The following FBXO25 variants were observed in gnomAD, a reference collection of about 807,000 sequenced individuals.
The protein encoded by FBXO25 is F-box only protein 25.
In FBXO25, 45 loss-of-function variants were observed where a neutral mutation model predicts 51.9. The ratio of observed to expected loss-of-function variants is 0.87; its 90% CI spans 0.68 to 1.11. The LOEUF is 1.11. Among genes scored for constraint, FBXO25 ranks in the 50% most tolerant of loss-of-function variants. The pLI is 0.00. For missense variants in FBXO25, 507 were observed against 428.5 expected, an observed-to-expected ratio of 1.18 and a Z score of -1.62; for synonymous variants, 199 against 151.0, an observed-to-expected ratio of 1.32 and a Z score of -2.33.
intron 5 of FBXO25, among the ~76,000 whole-genome samples, chr8:437,270 T>C (rs922388927): frequency 6.6e-6 from 1 of 152,250 alleles, no homozygotes; most frequent in African/African-American, 2.4e-5. Context: ...ATGTACCAAC[T>C]AAGCTTACTT....
Position 458,551 on chromosome 8 carries a change from G to C in FBXO25, c.843G>C (p.Gln281His). 1 of 1,613,844 alleles carries C rather than the reference G, an allele frequency of 6.2e-7. No homozygotes were observed. Among genetic ancestry groups the C allele is most frequent in the Non-Finnish European group, 8.5e-7 (1 of 1,179,798 alleles). Residue 281 changes from glutamine to histidine, a missense_variant and splice_region_variant, in exon 8 of 10, where the codon CAG becomes CAC. Physicochemically the swap from Gln to His is conservative, Grantham distance 24. Coordinates refer to ENST00000350302, the MANE Select transcript of FBXO25 (RefSeq NM_183420.2). ...GTCAGTACCATTTTGCTGAAAAGCA[G>C]GTGAGTGGGATGCAGCAGTCTCCCC... is the stretch of plus-strand genomic sequence containing the variant. ...KLCQYHFAEK[Q>H]FCRHLILSEK...
chr8:465,637 A>G (rs921088198), intron 9 of FBXO25, among the ~76,000 whole-genome samples: 6 of 152,126 alleles, frequency 3.9e-5, no homozygotes, highest in South Asian at 4.2e-4. Flanking sequence ...GATTTTTTTC[A>G]TCTGTTTCAT....
At chr8:445,538 A>C (rs1798685472) in intron 5 of FBXO25, among the ~76,000 whole-genome samples, 1 of 152,222 alleles carries the variant, frequency 6.6e-6, no homozygotes, top group Non-Finnish European at 1.5e-5. Flanking sequence ...CACTTTTAAA[A>C]ATATTTCTCC....
At chr8:460,788 G>A (rs547653516) in intron 8 of FBXO25, among the ~76,000 whole-genome samples, 1 of 152,338 alleles carries the variant, frequency 6.6e-6, no homozygotes, top group South Asian at 2.1e-4. Flanking sequence ...GGAGGACAGA[G>A]AAATTAATAT....
rs1800687262 is a variant in FBXO25 at position 477,804 on chromosome 8, C to A, written c.*9000C>A. 2 of 152,228 alleles carry A rather than the reference C, an allele frequency of 1.3e-5. No homozygotes were observed. The highest frequency in any genetic ancestry group is 4.8e-5 in the African/African-American group (2 of 41,462). 9.4% of individuals were successfully genotyped at this position (152,228 alleles called of 1,614,324 possible). On this transcript the variant is annotated 3_prime_UTR_variant, in exon 10 of 10. Coordinates refer to ENST00000350302, the MANE Select transcript of FBXO25 (RefSeq NM_183420.2). ...ACTTTTCTTATGTCATTAGATATTA[C>A]CCTTTTACATCTTTTCACTATTTAA...
At chr8:443,965 G>A (rs1050348480) in intron 5 of FBXO25, among the ~76,000 whole-genome samples, 1 of 152,224 alleles carries the variant, frequency 6.6e-6, no homozygotes, top group African/African-American at 2.4e-5. Flanking sequence ...GGATCCCCCT[G>A]CTCTTCAGGT....
chr8:452,402 C>G (rs1048654968), intron 7 of FBXO25, among the ~76,000 whole-genome samples: 68 of 149,694 alleles, frequency 4.5e-4, no homozygotes, highest in African/African-American at 1.7e-3. Context: ...TCTTCGCTGC[C>G]TCTTTTACTG....
At chr8:440,642 G>T (rs6981545) in intron 5 of FBXO25, among the ~76,000 whole-genome samples, 2,116 of 148,804 alleles carry the variant, frequency 0.014, no homozygotes, top group African/African-American at 0.041. Flanking sequence ...CAATGTGCAG[G>T]TTTGTTACAT....
intron 1 of FBXO25, among the ~76,000 whole-genome samples, chr8:407,870 C>G (rs1414521322): frequency 2.0e-5 from 3 of 152,094 alleles, no homozygotes; most frequent in Non-Finnish European, 2.9e-5. Flanking sequence ...TCAATTTGAC[C>G]TTTTTCTCAA....
Position 469,397 on chromosome 8 carries a change from T to C in FBXO25, c.*593T>C. 1 of 152,522 alleles carries C rather than the reference T, an allele frequency of 6.6e-6. No homozygotes were observed. Among genetic ancestry groups the C allele is most frequent in the Non-Finnish European group, 1.5e-5 (1 of 68,222 alleles). 9.4% of individuals were successfully genotyped at this position (152,522 alleles called of 1,614,324 possible). A position where few individuals can be genotyped will look rare whatever the true frequency, so the allele number is the denominator to read the frequency against. On this transcript the variant is annotated 3_prime_UTR_variant, in exon 10 of 10. Coordinates refer to ENST00000350302, the MANE Select transcript of FBXO25 (RefSeq NM_183420.2). ...GCACACGCAGCCCAACAACGGGCAG[T>C]GGTCTCTGTGCTCCTAGGCATCCAG...
chr8:425,186 C>A (rs1017316607), intron 2 of FBXO25, among the ~76,000 whole-genome samples: 1 of 151,370 alleles, frequency 6.6e-6, no homozygotes, highest in Non-Finnish European at 1.5e-5. Context: ...CCAAAAATAA[C>A]CACTTCCCAA....
At chr8:435,448 G>C (rs1275115576) in intron 4 of FBXO25, 167 bp from the exon 5 acceptor site, 2 of 861,512 alleles carry the variant, frequency 2.3e-6, no homozygotes, top group Non-Finnish European at 3.5e-6. Context: ...TAAATTATTA[G>C]CATTGCTATA....
chr8:473,598 G>C lies in FBXO25; in HGVS notation c.*4794G>C, dbSNP rs973876966. 6.6e-6 allele frequency: 1 copy of C among 152,222 alleles called. No homozygotes were observed. The highest frequency in any genetic ancestry group is 2.4e-5 in the African/African-American group (1 of 41,426). The allele number at this position is 152,222 out of a possible 1,614,324, so 9.4% of individuals were successfully genotyped here. A position where few individuals can be genotyped will look rare whatever the true frequency, so the allele number is the denominator to read the frequency against. ...CCTCACTGGCTCAAATCCACAGAGT[G>C]ACAAAGAACAGAGATGCCCAGAGCA... On this transcript the variant is annotated 3_prime_UTR_variant, in exon 10 of 10. Transcript: ENST00000350302.
chr8:454,642 A>G lies in FBXO25; in HGVS notation c.660+3189A>G, dbSNP rs777398249. 2.6e-4 allele frequency among the ~76,000 whole-genome samples: 40 copies of G among 152,324 alleles called. No individual in the cohort carries two copies. In the South Asian group the frequency reaches 2.9e-3, roughly 11 times the overall value. On this transcript the variant is annotated intron_variant, in intron 7 of 9. Transcript: ENST00000350302. The stretch of plus-strand genomic sequence containing the variant: ...CGCGATGGCTCACGCCAGTAGTCCC[A>G]GCACTTTGGGAGGCCGAGGTGGGCA...
In FBXO25 at chr8:473,666, AG is replaced by A. The variant is rs1183477817; in HGVS notation, c.*4866del. The A allele has an allele frequency of 6.6e-6, 1 of 152,210 alleles. No individual in the cohort carries two copies. Among genetic ancestry groups the A allele is most frequent in the Non-Finnish European group, 1.5e-5 (1 of 68,042 alleles). The allele number at this position is 152,210 out of a possible 1,614,324, so 9.4% of individuals were successfully genotyped here. On this transcript the variant is annotated 3_prime_UTR_variant, in exon 10 of 10. Coordinates refer to ENST00000350302, the MANE Select transcript of FBXO25 (RefSeq NM_183420.2). ...CAGGAGAAGGCACTGCTGGTGCCAC[AG>A]GGGTCCTGGGCTGGCTCTTGGACCA...
intron 4 of FBXO25, among the ~76,000 whole-genome samples, chr8:434,299 A>G (rs147639187): frequency 9.7e-4 from 147 of 152,276 alleles, no homozygotes; most frequent in African/African-American, 3.2e-3. Context: ...TGCTCTGTGA[A>G]TCAGATTTAA....
Position 475,114 on chromosome 8 carries a change from G to C in FBXO25, c.*6310G>C, listed in dbSNP as rs1288218839. ...GTTTTAGCTCTTAGTTTAGGCCTTT[G>C]ATCTATTTTAATTTTTATATATGGT... On this transcript the variant is annotated 3_prime_UTR_variant, in exon 10 of 10. Coordinates refer to ENST00000350302, the MANE Select transcript of FBXO25 (RefSeq NM_183420.2). 1.1e-5 allele frequency: 4 copies of C among 362,788 alleles called. No homozygotes were observed. The highest frequency in any genetic ancestry group is 2.2e-5 in the South Asian group (1 of 46,036). 22.5% of individuals were successfully genotyped at this position (362,788 alleles called of 1,614,324 possible).
intron 7 of FBXO25, among the ~76,000 whole-genome samples, chr8:454,920 A>G (rs1231354408): frequency 1.3e-5 from 2 of 151,492 alleles, no homozygotes; most frequent in Non-Finnish European, 2.9e-5. Context: ...GAAAACAAAG[A>G]ATGAGGGGAG....
At position 475,518 on chromosome 8, in the gene FBXO25, C is replaced by A. The variant is rs561765263; in HGVS notation, c.*6714C>A. On this transcript the variant is annotated 3_prime_UTR_variant, in exon 10 of 10. Transcript: ENST00000350302. ...CATGAAATCTATAGATTGCTTTGGA[C>A]TATGGACATCTTAAGGTATCCAATC... 6.6e-6 allele frequency: 1 copy of A among 152,084 alleles called. No homozygotes were observed. Among genetic ancestry groups the A allele is most frequent in the African/African-American group, 2.4e-5 (1 of 41,344 alleles). The allele number at this position is 152,084 out of a possible 1,614,324, so 9.4% of individuals were successfully genotyped here.
Sources: allele counts gnomAD v4.1 joint callset (sites outside exome capture counted in the v4.1 genomes callset), GRCh38; gene constraint gnomAD v4.1.1; transcripts MANE v1.5; gene names NCBI Gene and HGNC (gene_info 2026-07-23, HGNC 2026-07-21).